OSBPL10: variants seen among roughly 807,000 people sequenced by gnomAD.
OSBPL10 encodes oxysterol binding protein like 10.
A neutral mutation model predicts 81.7 loss-of-function variants in OSBPL10; 49 were observed. That is an observed-to-expected ratio of 0.60 (90% CI 0.48 to 0.76). The LOEUF (loss-of-function observed/expected upper bound fraction) is 0.76. Among genes scored for constraint, OSBPL10 ranks in the 30% least tolerant of loss-of-function variants. The pLI, the probability that OSBPL10 is intolerant of heterozygous loss-of-function variation, is 0.00. For missense variants in OSBPL10, 923 were observed against 987.8 expected, an observed-to-expected ratio of 0.93 and a Z score of 0.88; for synonymous variants, 419 against 383.6, an observed-to-expected ratio of 1.09 and a Z score of -1.08.
chr3:32,000,875 G>T (rs982474071), intron 2 of OSBPL10, among the ~76,000 whole-genome samples: 1 of 152,260 alleles, frequency 6.6e-6, no homozygotes, highest in East Asian at 1.9e-4. Context: ...ACTCTAAGAC[G>T]TGCAGCTTTC....
At chr3:31,791,512 A>C (rs1277782046) in intron 4 of OSBPL10, among the ~76,000 whole-genome samples, 1 of 152,204 alleles carries the variant, frequency 6.6e-6, no homozygotes, top group East Asian at 1.9e-4. Flanking sequence ...GGATCAATTC[A>C]GTCTTATGCC....
intron 4 of OSBPL10, among the ~76,000 whole-genome samples, chr3:31,805,697 G>A (rs921207498): frequency 6.6e-6 from 1 of 152,166 alleles, no homozygotes; most frequent in Non-Finnish European, 1.5e-5. Context: ...GGTAGGCGCT[G>A]AATGCTCAGC....
intron 4 of OSBPL10, among the ~76,000 whole-genome samples, chr3:31,802,104 C>T (rs1233140272): frequency 4.5e-4 from 66 of 147,734 alleles, no homozygotes; most frequent in Middle Eastern, 3.5e-3. Flanking sequence ...ATTACAGGCA[C>T]GAGCCACTGC....
intron 4 of OSBPL10, among the ~76,000 whole-genome samples, chr3:31,783,831 T>A (rs1357295310): frequency 4.5e-3 from 299 of 66,392 alleles, no homozygotes; most frequent in Non-Finnish European, 6.3e-3. Context: ...AAAATATATA[T>A]ATATATATAT....
At chr3:31,920,316 A>C (rs561888841) in intron 1 of OSBPL10, among the ~76,000 whole-genome samples, 11 of 152,328 alleles carry the variant, frequency 7.2e-5, no homozygotes, top group African/African-American at 2.6e-4. Context: ...TGAAAAGAAG[A>C]ATCATTTAGG....
chr3:31,811,098 G>A (rs924059387), intron 4 of OSBPL10, among the ~76,000 whole-genome samples: 4 of 152,036 alleles, frequency 2.6e-5, no homozygotes, highest in African/African-American at 9.7e-5. Context: ...ACAGGAAAAA[G>A]GCGCCTTCTC....
chr3:31,779,356 G>A (rs988756292), intron 4 of OSBPL10, among the ~76,000 whole-genome samples: 1 of 152,032 alleles, frequency 6.6e-6, no homozygotes, highest in East Asian at 1.9e-4. Flanking sequence ...ATAAACTCAA[G>A]GTAAAGGAGT....
chr3:31,916,056 A>G (rs1696749740), intron 1 of OSBPL10, among the ~76,000 whole-genome samples: 2 of 148,246 alleles, frequency 1.3e-5, no homozygotes, highest in Admixed American at 6.9e-5. Flanking sequence ...AGATCGCACC[A>G]TTGCACTCCA....
In OSBPL10 at chr3:31,662,221, C is replaced by G; in HGVS notation, c.2251-105G>C. 1.9e-6 allele frequency: 3 copies of G among 1,575,196 alleles called. No homozygotes were observed. The Middle Eastern group carries it at 6.8e-4, about 359-fold the overall frequency. On this transcript the variant is annotated intron_variant, in intron 11 of 11. Transcript: ENST00000396556. ...TCTGTGTGTCTGCCGTGTCTTAATA[C>G]CTCACACGCAGGCCAGGCTGCTGGC... is the stretch of plus-strand genomic sequence containing the variant.
chr3:31,752,592 T>C (rs1697753949), intron 4 of OSBPL10, among the ~76,000 whole-genome samples: 1 of 152,172 alleles, frequency 6.6e-6, no homozygotes, highest in African/African-American at 2.4e-5. Flanking sequence ...TTAATGTTAA[T>C]AGCATCAGTG....
intron 1 of OSBPL10, among the ~76,000 whole-genome samples, chr3:32,070,433 C>A (rs192919949): frequency 2.8e-4 from 43 of 152,302 alleles, no homozygotes; most frequent in African/African-American, 1.0e-3. Flanking sequence ...CTTATCTCCA[C>A]CCTTCTTCCC....
intron 2 of OSBPL10, among the ~76,000 whole-genome samples, chr3:32,032,702 A>G (rs1299055082): frequency 6.6e-6 from 1 of 152,222 alleles, no homozygotes; most frequent in East Asian, 1.9e-4. Context: ...ATTCTATTGA[A>G]CAGTTGACTT....
intron 1 of OSBPL10, among the ~76,000 whole-genome samples, chr3:31,961,907 GTTTT>G (rs34399596): frequency 7.7e-6 from 1 of 130,044 alleles, no homozygotes; most frequent in South Asian, 2.6e-4. Flanking sequence ...TTTTGTTTTG[GTTTT>G]TTTTTTTTTA....
chr3:31,664,564 T>A, intron 10 of OSBPL10: 1 of 425,602 alleles, frequency 2.3e-6, no homozygotes, highest in Non-Finnish European at 4.3e-6. Flanking sequence ...TTGCCATATT[T>A]CTAAGCATTT....
chr3:31,859,654 G>A (rs1044856058), intron 3 of OSBPL10, among the ~76,000 whole-genome samples: 11 of 152,166 alleles, frequency 7.2e-5, no homozygotes, highest in African/African-American at 2.7e-4. Context: ...CCAGATGCTG[G>A]TCCCTCAATC....
rs543985175 is a variant in OSBPL10, at chr3:32,016,533, C to T, written n.298+29958G>A. Among the ~76,000 whole-genome samples, 554 of 152,156 alleles carry T rather than the reference C, an allele frequency of 3.6e-3. 2 individuals are homozygous for T. Among genetic ancestry groups the T allele is most frequent in the South Asian group, 0.018 (87 of 4,816 alleles). The stretch of plus-strand genomic sequence containing the variant: ...ATGGGTGCAGCACACCAACATGGCA[C>T]GTGTATACATATGTAACAAACCTGT... On this transcript the variant is annotated intron_variant and non_coding_transcript_variant, in intron 2 of 3. Coordinates refer to the OSBPL10 transcript ENST00000479173.
At chr3:31,950,309 C>A (rs573945008) in intron 1 of OSBPL10, among the ~76,000 whole-genome samples, 1 of 152,252 alleles carries the variant, frequency 6.6e-6, no homozygotes, top group Admixed American at 6.5e-5. Context: ...AAGACCCAAG[C>A]TGGAATTTCA....
At chr3:32,006,150 T>C (rs1030248553) in intron 2 of OSBPL10, among the ~76,000 whole-genome samples, 6 of 152,006 alleles carry the variant, frequency 3.9e-5, no homozygotes, top group Admixed American at 2.0e-4. Flanking sequence ...TTCACCATGT[T>C]GGCCAGGCTG....
intron 10 of OSBPL10, among the ~76,000 whole-genome samples, chr3:31,667,647 T>C (rs1700226173): frequency 6.6e-6 from 1 of 152,188 alleles, no homozygotes; most frequent in African/African-American, 2.4e-5. Context: ...TTGGCAAAAA[T>C]TTTCTGTAAA....
Sources: gnomAD v4.1 joint callset for allele counts (sites outside exome capture counted in the v4.1 genomes callset) on GRCh38, gnomAD v4.1.1 for gene constraint, MANE v1.5 for transcripts, NCBI Gene and HGNC (gene_info 2026-07-23, HGNC 2026-07-21) for gene names.